STPG2: variants seen among roughly 807,000 people sequenced by gnomAD.
STPG2 encodes the protein sperm tail PG-rich repeat containing 2.
In STPG2, 56 loss-of-function variants were observed where a neutral mutation model predicts 54.2. The observed-to-expected ratio is 1.03, with a 90% CI of 0.83 to 1.29. The LOEUF is 1.29. Ranked by LOEUF, STPG2 falls within the 50% of genes most tolerant of loss-of-function variation. The pLI, the probability that STPG2 is intolerant of heterozygous loss-of-function variation, is 0.00. For missense variants in STPG2, 596 were observed against 544.9 expected (o/e 1.09, Z -0.93); for synonymous variants, 200 against 181.8 (o/e 1.10, Z -0.81).
At chr4:98,015,513 A>G (rs554941014) in intron 5 of STPG2, among the ~76,000 whole-genome samples, 1 of 152,306 alleles carries the variant, frequency 6.6e-6, no homozygotes, top group Non-Finnish European at 1.5e-5. Flanking sequence ...ATGAGATACC[A>G]TCTCATGCCA....
At chr4:97,713,603 C>T (rs1175219735) in intron 9 of STPG2, among the ~76,000 whole-genome samples, 1 of 152,158 alleles carries the variant, frequency 6.6e-6, no homozygotes, top group Non-Finnish European at 1.5e-5. Flanking sequence ...AGATCCCTTG[C>T]ATGTGCAGTT....
At chr4:97,489,622 G>A (rs1444408262) in intron 4 of STPG2, among the ~76,000 whole-genome samples, 1 of 151,578 alleles carries the variant, frequency 6.6e-6, no homozygotes, top group African/African-American at 2.4e-5. Flanking sequence ...ACCTTGGGAA[G>A]AAAAGGGAAA....
chr4:97,870,853 A>G (rs1057396872), intron 8 of STPG2, among the ~76,000 whole-genome samples: 2 of 151,244 alleles, frequency 1.3e-5, no homozygotes, highest in Non-Finnish European at 3.0e-5. Flanking sequence ...CTGATACTCT[A>G]AAATACAACT....
chr4:98,051,587 C>T (rs1306486393), intron 5 of STPG2, among the ~76,000 whole-genome samples: 2 of 152,046 alleles, frequency 1.3e-5, no homozygotes, highest in Admixed American at 6.6e-5. Flanking sequence ...AAACACCTTG[C>T]CAGATGCTTG....
intron 8 of STPG2, among the ~76,000 whole-genome samples, chr4:97,906,157 G>C (rs912285077): frequency 6.6e-6 from 1 of 152,016 alleles, no homozygotes; most frequent in Non-Finnish European, 1.5e-5. Flanking sequence ...GAATCAAATA[G>C]ATGCAATAAA....
At chr4:97,640,097 C>A (rs1342744899) in intron 10 of STPG2, among the ~76,000 whole-genome samples, 1 of 151,954 alleles carries the variant, frequency 6.6e-6, no homozygotes, top group African/African-American at 2.4e-5. Flanking sequence ...TAAAGATGAG[C>A]TTGCCATTGA....
intron 5 of STPG2, among the ~76,000 whole-genome samples, chr4:98,092,511 TAAGG>T (rs1333353045): frequency 6.6e-6 from 1 of 151,912 alleles, no homozygotes; most frequent in African/African-American, 2.4e-5. Context: ...CTAACAATGA[TAAGG>T]AAGAAAGTAA....
intron 5 of STPG2, among the ~76,000 whole-genome samples, chr4:98,041,644 T>G (rs1311449418): frequency 2.6e-5 from 4 of 152,000 alleles, no homozygotes; most frequent in Non-Finnish European, 4.4e-5. Context: ...TTTATTGATA[T>G]GTATATGTTG....
chr4:97,710,091 A>G (rs952623617), intron 10 of STPG2, among the ~76,000 whole-genome samples: 1 of 146,386 alleles, frequency 6.8e-6, no homozygotes, highest in African/African-American at 2.6e-5. Context: ...ACTTTTATAG[A>G]TTAATAAACC....
intron 4 of STPG2, among the ~76,000 whole-genome samples, chr4:97,520,975 T>C (rs1388766174): frequency 6.6e-6 from 1 of 152,022 alleles, no homozygotes; most frequent in Non-Finnish European, 1.5e-5. Flanking sequence ...AATTTTTCTT[T>C]AAAACAAAGG....
intron 8 of STPG2, among the ~76,000 whole-genome samples, chr4:97,846,623 C>CAAA (rs540016952): frequency 7.5e-4 from 51 of 68,256 alleles, no homozygotes; most frequent in Non-Finnish European, 8.7e-4. Context: ...GACTCCACCT[C>CAAA]AAAAAAAAAA....
At chr4:97,716,794 C>G (rs747812218) in intron 9 of STPG2, among the ~76,000 whole-genome samples, 1 of 151,544 alleles carries the variant, frequency 6.6e-6, no homozygotes, top group Non-Finnish European at 1.5e-5. Flanking sequence ...CACCATGGCA[C>G]GTGGTGCCTA....
At chr4:97,921,411 C>T (rs527800617) in intron 8 of STPG2, among the ~76,000 whole-genome samples, 1 of 152,066 alleles carries the variant, frequency 6.6e-6, no homozygotes, top group South Asian at 2.1e-4. Context: ...AAGCAAATAT[C>T]AGTAAAACAA....
rs115292544 is a variant in STPG2, at chr4:98,117,705, T to C, written c.388-8400A>G. Among the ~76,000 whole-genome samples the C allele has an allele frequency of 5.2e-3, 796 of 152,194 alleles. 11 individuals carry two copies. The highest frequency in any genetic ancestry group is 0.018 in the African/African-American group (763 of 41,556). ...TTCTTCAGCCAATTCAAATTTTCTT[T>C]TGGGCTCCTCTAGAAAGTTTTTCAT... is the stretch of plus-strand genomic sequence containing the variant. On this transcript the variant is annotated intron_variant, in intron 3 of 10. Coordinates refer to ENST00000295268, the MANE Select transcript of STPG2 (RefSeq NM_174952.3).
rs189134897 is a variant in STPG2, at chr4:97,714,311, T to C, written c.1205-1497A>G. On this transcript the variant is annotated intron_variant, in intron 9 of 10. Transcript: ENST00000295268. ...CATTAATATAGGACATTTCAAAATT[T>C]AAGACAAAGAAGGACATCTAGGCTC... Among the ~76,000 whole-genome samples the C allele has an allele frequency of 1.1e-4, 17 of 152,296 alleles. No individual in the cohort carries two copies. In the East Asian group the frequency reaches 1.9e-3, roughly 17 times the overall value.
intron 9 of STPG2, among the ~76,000 whole-genome samples, chr4:97,737,657 G>C (rs565942584): frequency 8.9e-4 from 135 of 152,152 alleles, no homozygotes; most frequent in African/African-American, 3.1e-3. Context: ...GGGAAGCTTA[G>C]AGAAAAAAAA....
At chr4:97,679,298 A>T (rs1281460207) in intron 10 of STPG2, among the ~76,000 whole-genome samples, 8 of 151,720 alleles carry the variant, frequency 5.3e-5, no homozygotes, top group Non-Finnish European at 1.0e-4. Context: ...TTGTTTCCTG[A>T]CTTTTTAATG....
At chr4:97,855,574 C>T (rs1205378510) in intron 8 of STPG2, among the ~76,000 whole-genome samples, 1 of 151,896 alleles carries the variant, frequency 6.6e-6, no homozygotes, top group Non-Finnish European at 1.5e-5. Context: ...AGTCCTTTGT[C>T]AGATGGATAG....
At chr4:97,679,984 A>G (rs1200644336) in intron 10 of STPG2, among the ~76,000 whole-genome samples, 1 of 151,920 alleles carries the variant, frequency 6.6e-6, no homozygotes, top group East Asian at 1.9e-4. Context: ...CCATTGATTT[A>G]TATCTCTGTT....
Sources: allele counts gnomAD v4.1 joint callset (sites outside exome capture counted in the v4.1 genomes callset), GRCh38; gene constraint gnomAD v4.1.1; transcripts MANE v1.5; gene names NCBI Gene and HGNC (gene_info 2026-07-23, HGNC 2026-07-21).